STPG2: variants seen among roughly 807,000 people sequenced by gnomAD.
STPG2 encodes the protein sperm-tail PG-rich repeat-containing protein 2.
A neutral mutation model predicts 54.2 loss-of-function variants in STPG2; 56 were observed. The ratio of observed to expected loss-of-function variants is 1.03; its 90% confidence interval spans 0.83 to 1.29. The LOEUF (loss-of-function observed/expected upper bound fraction) is 1.29, where lower values mean the gene tolerates loss of function less well. STPG2 is among the 50% of genes most tolerant of loss of function. The pLI is 0.00. For missense variants in STPG2, 596 were observed against 544.9 expected (o/e 1.09, Z -0.93); for synonymous variants, 200 against 181.8 (o/e 1.10, Z -0.81).
At chr4:97,912,769 C>A (rs1228486596) in intron 8 of STPG2, among the ~76,000 whole-genome samples, 2 of 152,208 alleles carry the variant, frequency 1.3e-5, no homozygotes, top group Non-Finnish European at 2.9e-5. Context: ...AAGCATACTG[C>A]AGGATATCAT....
intron 5 of STPG2, among the ~76,000 whole-genome samples, chr4:98,098,730 G>T (rs1648536): frequency 0.44 from 66,501 of 151,848 alleles, 15,105 homozygotes; most frequent in Admixed American, 0.56. Flanking sequence ...ATCTGACAAG[G>T]GATTCATAAC....
rs531749656 is a variant in STPG2, at chr4:97,601,711, G to A, written c.1321-42594C>T. Among the ~76,000 whole-genome samples, 3 of 151,962 alleles carry A rather than the reference G, an allele frequency of 2.0e-5. No homozygotes were observed. In the East Asian group the frequency reaches 5.8e-4, roughly 29 times the overall value. On this transcript the variant is annotated intron_variant, in intron 10 of 10. Coordinates refer to ENST00000295268, the MANE Select transcript of STPG2 (RefSeq NM_174952.3). ...CCATAGGTCTGATATCTCACTGATT[G>A]AATTACTATTGCACTATAAAATCTT...
chr4:97,559,153 A>G (rs758257813), intron 10 of STPG2, 36 bp from the exon 11 acceptor site: 1 of 1,364,648 alleles, frequency 7.3e-7, no homozygotes, highest in Admixed American at 2.2e-5. Flanking sequence ...GGAGGAAAAC[A>G]TCTACTTACA....
At chr4:98,095,827 A>AT (rs1738841504) in intron 5 of STPG2, among the ~76,000 whole-genome samples, 1 of 152,318 alleles carries the variant, frequency 6.6e-6, no homozygotes, top group East Asian at 1.9e-4. Context: ...GGACCTAGAG[A>AT]TATTTACAGA....
intron 4 of STPG2, among the ~76,000 whole-genome samples, 165 bp downstream of exon 4, chr4:98,109,028 A>T (rs543713152): frequency 6.6e-6 from 1 of 152,286 alleles, no homozygotes; most frequent in East Asian, 1.9e-4. Context: ...TTAAAGTATA[A>T]TTTAAAAAAT....
chr4:97,997,557 C>T (rs1382981426), intron 5 of STPG2, among the ~76,000 whole-genome samples: 1 of 152,178 alleles, frequency 6.6e-6, no homozygotes, highest in African/African-American at 2.4e-5. Flanking sequence ...CACCAAGTCC[C>T]ACTTTCCAAC....
chr4:97,513,934 T>G (rs1398000208), intron 4 of STPG2, among the ~76,000 whole-genome samples: 1 of 152,116 alleles, frequency 6.6e-6, no homozygotes, highest in Non-Finnish European at 1.5e-5. Flanking sequence ...TTATTAACAG[T>G]GCCCAGTGCT....
At chr4:97,723,249 C>A (rs994575630) in intron 9 of STPG2, among the ~76,000 whole-genome samples, 5 of 151,540 alleles carry the variant, frequency 3.3e-5, no homozygotes, top group African/African-American at 1.2e-4. Flanking sequence ...ATAGTCGTTA[C>A]TTTTGGAGTT....
At chr4:97,942,348 G>A (rs528876959) in intron 8 of STPG2, among the ~76,000 whole-genome samples, 1 of 151,948 alleles carries the variant, frequency 6.6e-6, no homozygotes, top group Middle Eastern at 3.4e-3. Context: ...ATCCTGAGGT[G>A]TGTACAACAA....
chr4:98,118,953 A>G (rs1183732933), intron 3 of STPG2, among the ~76,000 whole-genome samples: 1 of 152,170 alleles, frequency 6.6e-6, no homozygotes, highest in East Asian at 1.9e-4. Flanking sequence ...ATAAATGGGG[A>G]AAAAATAAAG....
chr4:98,001,612 T>G, intron 5 of STPG2, among the ~76,000 whole-genome samples: 1 of 152,024 alleles, frequency 6.6e-6, no homozygotes, highest in Non-Finnish European at 1.5e-5. Flanking sequence ...CCATATAAGA[T>G]TAATTATTAT....
At chr4:97,959,535 C>A (rs1733808825) in intron 7 of STPG2, among the ~76,000 whole-genome samples, 1 of 151,806 alleles carries the variant, frequency 6.6e-6, no homozygotes, top group South Asian at 2.1e-4. Context: ...CAACTGACAC[C>A]ACAGAAATAC....
At chr4:97,703,438 A>G (rs1723838391) in intron 10 of STPG2, among the ~76,000 whole-genome samples, 1 of 143,372 alleles carries the variant, frequency 7.0e-6, no homozygotes, top group South Asian at 2.1e-4. Context: ...ATAATATGAT[A>G]TATGCTATAT....
At chr4:97,595,198 CCCAAATGT>C (rs1442580333) in intron 10 of STPG2, among the ~76,000 whole-genome samples, 1 of 152,150 alleles carries the variant, frequency 6.6e-6, no homozygotes, top group Non-Finnish European at 1.5e-5. Context: ...TTGGAACCAA[CCCAAATGT>C]CCAACAATGA....
intron 10 of STPG2, among the ~76,000 whole-genome samples, chr4:97,592,437 T>C (rs538776779): frequency 2.6e-4 from 39 of 152,254 alleles, no homozygotes; most frequent in African/African-American, 9.4e-4. Flanking sequence ...AATTCACACA[T>C]ATAAAGCCTA....
At chr4:98,040,940 T>C (rs1320067271) in intron 5 of STPG2, among the ~76,000 whole-genome samples, 1 of 151,902 alleles carries the variant, frequency 6.6e-6, no homozygotes, top group Non-Finnish European at 1.5e-5. Flanking sequence ...AGAATCAGTA[T>C]TTCAACAATA....
At chr4:97,850,188 G>A (rs868515949) in intron 8 of STPG2, among the ~76,000 whole-genome samples, 17 of 141,190 alleles carry the variant, frequency 1.2e-4, no homozygotes, top group Middle Eastern at 4.2e-3. Context: ...ATCAAACACC[G>A]CGTATTCTCA....
chr4:98,030,701 G>A (rs980038086), intron 5 of STPG2, among the ~76,000 whole-genome samples: 3 of 152,010 alleles, frequency 2.0e-5, no homozygotes, highest in African/African-American at 4.8e-5. Context: ...TAGACCAACA[G>A]ATCAGAAAAG....
At chr4:97,494,067 C>T (rs1357336593) in intron 4 of STPG2, among the ~76,000 whole-genome samples, 2 of 151,398 alleles carry the variant, frequency 1.3e-5, no homozygotes, top group Non-Finnish European at 3.0e-5. Flanking sequence ...AAAATTGTCC[C>T]ACAGAACTCT....
Sources: allele counts gnomAD v4.1 joint callset (sites outside exome capture counted in the v4.1 genomes callset), GRCh38; gene constraint gnomAD v4.1.1; transcripts MANE v1.5; gene names NCBI Gene and HGNC (gene_info 2026-07-23, HGNC 2026-07-21).